Variants in MYRFL observed in about 807,000 individuals in gnomAD.
MYRFL encodes myelin regulatory factor like.
A neutral mutation model predicts 109.4 loss-of-function variants in MYRFL; 88 were observed. That is an observed-to-expected ratio of 0.80 (90% CI 0.68 to 0.96). The LOEUF is 0.96. MYRFL is among the 40% of genes least tolerant of loss of function. MYRFL has a pLI of 0.00. For synonymous variants in MYRFL, 324 were observed against 320.9 expected (o/e 1.01, Z -0.10); for missense variants, 957 against 954.9 (o/e 1.00, Z -0.03).
chr12:69,853,374 C>CG (rs1403727698), intron 1 of MYRFL, among the ~76,000 whole-genome samples: 2 of 147,368 alleles, frequency 1.4e-5, no homozygotes, highest in Non-Finnish European at 3.0e-5. Flanking sequence ...GGCTGCCGGG[C>CG]GGAGGGGCTC....
intron 2 of MYRFL, among the ~76,000 whole-genome samples, chr12:69,869,727 C>T (rs1483756348): frequency 6.6e-6 from 1 of 152,026 alleles, no homozygotes; most frequent in Non-Finnish European, 1.5e-5. Context: ...TTGGATGGCT[C>T]AATTGTGAGT....
intron 1 of MYRFL, among the ~76,000 whole-genome samples, chr12:69,839,910 A>G (rs545542023): frequency 6.6e-6 from 1 of 152,320 alleles, no homozygotes; most frequent in South Asian, 2.1e-4. Flanking sequence ...GATCTGACCT[A>G]TGCATAGAGG....
chr12:69,897,934 A>G (rs931636167), intron 10 of MYRFL, among the ~76,000 whole-genome samples: 4 of 152,226 alleles, frequency 2.6e-5, no homozygotes, highest in African/African-American at 7.2e-5. Flanking sequence ...GGCACAAAAC[A>G]TAAAGCTGTT....
chr12:69,888,638 T>C (rs747437826), intron 6 of MYRFL, among the ~76,000 whole-genome samples: 1 of 152,216 alleles, frequency 6.6e-6, no homozygotes, highest in Non-Finnish European at 1.5e-5. Context: ...TACTGATTGA[T>C]TCCGTTTCTG....
chr12:69,830,260 T>C (rs1272506249), intron 1 of MYRFL, among the ~76,000 whole-genome samples: 1 of 151,352 alleles, frequency 6.6e-6, no homozygotes, highest in Non-Finnish European at 1.5e-5. Flanking sequence ...ATCCCACAGA[T>C]ATACATAGAT....
In MYRFL at chr12:69,903,780, A is replaced by G; in HGVS notation, c.1319A>G (p.Asn440Ser). The G allele has an allele frequency of 2.0e-6, 3 of 1,535,768 alleles. No homozygotes were observed. Among genetic ancestry groups the G allele is most frequent in the Non-Finnish European group, 2.6e-6 (3 of 1,146,648 alleles). ...GACGAAGCCCTGGTTGTCTGTGGCA[A>G]CATGAAAGTGATGGGGACCATCATG... ...APDEALVVCG[N>S]MKVMGTIMHP... Residue 440 changes from asparagine (N) to serine (S), a missense_variant, in exon 11 of 25, where the codon AAC becomes AGC. Physicochemically the swap from Asn to Ser is conservative, Grantham distance 46. Transcript: ENST00000552032.
intron 1 of MYRFL, among the ~76,000 whole-genome samples, chr12:69,843,538 G>A (rs1343924831): frequency 1.3e-5 from 2 of 152,198 alleles, no homozygotes; most frequent in Non-Finnish European, 2.9e-5. Flanking sequence ...AGTGGAGAAG[G>A]CAGGGAGTCC....
At chr12:69,921,935 C>G (rs749667704) in intron 13 of MYRFL, among the ~76,000 whole-genome samples, 40 of 152,196 alleles carry the variant, frequency 2.6e-4, no homozygotes, top group Middle Eastern at 3.4e-3. Context: ...TTATAATTCT[C>G]CATAGTCTGC....
intron 1 of MYRFL, among the ~76,000 whole-genome samples, chr12:69,838,549 A>G (rs1883077540): frequency 6.6e-6 from 1 of 152,174 alleles, no homozygotes; most frequent in Admixed American, 6.5e-5. Context: ...TTTACCTTCT[A>G]TGGCTAAAGT....
rs1883159295 is a variant in MYRFL, at chr12:69,840,084, GA to G, written c.46+14526del. Among the ~76,000 whole-genome samples the G allele has an allele frequency of 2.0e-5, 3 of 152,046 alleles. No individual in the cohort carries two copies. The South Asian group carries it at 6.2e-4, about 32-fold the overall frequency. On this transcript the variant is annotated intron_variant, in intron 1 of 24. Transcript: ENST00000552032. ...TCCCCATATTATATTTACATAATTA[GA>G]AAAACCGATGCAAACATGTATGCTT... is the stretch of plus-strand genomic sequence containing the variant.
chr12:69,887,699 A>C (rs1044753431), intron 6 of MYRFL, among the ~76,000 whole-genome samples: 8 of 152,214 alleles, frequency 5.3e-5, no homozygotes, highest in African/African-American at 1.9e-4. Flanking sequence ...CCAAATTCAA[A>C]TACTGTAAAG....
chr12:69,852,932 G>A lies in MYRFL; in HGVS notation c.47-2348G>A, dbSNP rs193092482. Among the ~76,000 whole-genome samples, 722 of 152,264 alleles carry A rather than the reference G, an allele frequency of 4.7e-3. 8 individuals carry two copies. Among genetic ancestry groups the A allele is most frequent in the African/African-American group, 0.016 (673 of 41,554 alleles). ...AGGTTATAGATTAACAGCATCCCAA[G>A]GCAGAAGAATTTTTCTTAGTACAGA... On this transcript the variant is annotated intron_variant, in intron 1 of 24. Coordinates refer to ENST00000552032, the MANE Select transcript of MYRFL (RefSeq NM_182530.3).
chr12:69,839,228 G>C (rs947212752), intron 1 of MYRFL, among the ~76,000 whole-genome samples: 13 of 152,104 alleles, frequency 8.5e-5, no homozygotes, highest in Admixed American at 4.6e-4. Context: ...AGAAAGAACA[G>C]GTTCTGACTC....
intron 2 of MYRFL, among the ~76,000 whole-genome samples, chr12:69,873,945 C>G (rs1056586364): frequency 3.3e-5 from 5 of 151,672 alleles, no homozygotes; most frequent in African/African-American, 9.7e-5. Flanking sequence ...TATCTGTTGA[C>G]TTTAGTTCTA....
At chr12:69,902,580 G>A (rs1954229528) in intron 10 of MYRFL, among the ~76,000 whole-genome samples, 1 of 152,116 alleles carries the variant, frequency 6.6e-6, no homozygotes, top group African/African-American at 2.4e-5. Context: ...TCAAGTATTA[G>A]TACTGACTTT....
At chr12:69,873,551 T>G (rs1565985712) in intron 2 of MYRFL, among the ~76,000 whole-genome samples, 1 of 152,180 alleles carries the variant, frequency 6.6e-6, no homozygotes, top group Non-Finnish European at 1.5e-5. Flanking sequence ...ACACAAGCAA[T>G]GTGATATCGT....
At chr12:69,898,993 G>GTTCA (rs1954095009) in intron 10 of MYRFL, among the ~76,000 whole-genome samples, 1 of 152,098 alleles carries the variant, frequency 6.6e-6, no homozygotes, top group African/African-American at 2.4e-5. Flanking sequence ...TCCATGATTC[G>GTTCA]TATTCGGTGT....
At chr12:69,947,871 A>G (rs190367733) in intron 19 of MYRFL, among the ~76,000 whole-genome samples, 2,060 of 152,302 alleles carry the variant, frequency 0.014, 26 homozygotes, top group Non-Finnish European at 0.021. Context: ...CAGCCAGTAC[A>G]AGTACAACAC....
intron 1 of MYRFL, among the ~76,000 whole-genome samples, chr12:69,836,780 C>T (rs778583834): frequency 9.2e-5 from 14 of 152,172 alleles, no homozygotes; most frequent in Non-Finnish European, 1.6e-4. Context: ...CTGAAATAAC[C>T]TTTACTGGTG....
Sources: allele counts gnomAD v4.1 joint callset (sites outside exome capture counted in the v4.1 genomes callset), GRCh38; gene constraint gnomAD v4.1.1; transcripts MANE v1.5; gene names NCBI Gene and HGNC (gene_info 2026-07-23, HGNC 2026-07-21).